SYNPO2: variants seen among roughly 807,000 people sequenced by gnomAD.
The protein encoded by SYNPO2 is synaptopodin 2.
Under a neutral mutation model 85.0 loss-of-function variants are expected in SYNPO2, and 56 were observed. The ratio of observed to expected loss-of-function variants is 0.66; its 90% CI spans 0.53 to 0.82. SYNPO2 has a LOEUF of 0.82. Among genes scored for constraint, SYNPO2 ranks in the 40% least tolerant of loss-of-function variants. SYNPO2 has a pLI of 0.00. For synonymous variants in SYNPO2, 602 were observed against 591.1 expected, an observed-to-expected ratio of 1.02 and a Z score of -0.27; for missense variants, 1,575 against 1,534.2, an observed-to-expected ratio of 1.03 and a Z score of -0.44.
At chr4:118,939,160 G>T (rs746672076) in intron 1 of SYNPO2, among the ~76,000 whole-genome samples, 5 of 152,242 alleles carry the variant, frequency 3.3e-5, no homozygotes, top group African/African-American at 4.8e-5. Flanking sequence ...AAAGAAGTTT[G>T]TGTGTGCACA....
intron 1 of SYNPO2, among the ~76,000 whole-genome samples, chr4:118,909,657 G>A (rs1733066717): frequency 6.6e-6 from 1 of 152,212 alleles, no homozygotes; most frequent in Non-Finnish European, 1.5e-5. Context: ...GCTTGGGAAG[G>A]CTGGAGCAGA....
chr4:119,013,489 G>A (rs11098470), intron 1 of SYNPO2, among the ~76,000 whole-genome samples: 97,617 of 152,050 alleles, frequency 0.64, 31,525 homozygotes, highest in Middle Eastern at 0.69. Flanking sequence ...TTTATTTTAA[G>A]GAATGACAGA....
In SYNPO2 at chr4:119,026,769, G is replaced by A. The variant is rs1462782808; in HGVS notation, c.400G>A (p.Ala134Thr). The change falls in exon 3 of 5, where the codon GCC becomes ACC. Residue 134 changes from alanine to threonine, a missense_variant. Transcript: ENST00000307142. Reference sequence around the variant, plus strand: ...GACCCAGTGCACAGAATTCTTCCTCGCCCCTGTCAAGACTGAAGTTCCCCT... The same window carrying A: ...GACCCAGTGCACAGAATTCTTCCTCACCCCTGTCAAGACTGAAGTTCCCCT... ...TKTQCTEFFL[A>T]PVKTEVPLAE... The A allele has an allele frequency of 2.5e-6, 4 of 1,613,802 alleles. No homozygotes were observed. Among genetic ancestry groups the A allele is most frequent in the African/African-American group, 2.7e-5 (2 of 74,824 alleles).
At chr4:118,977,362 CA>C (rs1271135501) in intron 1 of SYNPO2, among the ~76,000 whole-genome samples, 1 of 152,244 alleles carries the variant, frequency 6.6e-6, no homozygotes, top group Non-Finnish European at 1.5e-5. Flanking sequence ...CTGCCAACCC[CA>C]CGCCCACCCG....
intron 1 of SYNPO2, among the ~76,000 whole-genome samples, chr4:118,856,195 A>C (rs762389527): frequency 6.6e-6 from 1 of 152,232 alleles, no homozygotes; most frequent in Non-Finnish European, 1.5e-5. Context: ...CACTGTGTGC[A>C]AGTAACATAT....
chr4:118,977,515 G>C (rs990292903), intron 1 of SYNPO2, among the ~76,000 whole-genome samples: 26 of 152,236 alleles, frequency 1.7e-4, no homozygotes, highest in African/African-American at 5.5e-4. Context: ...GGGGACTGAA[G>C]GGCTCCTCAA....
chr4:118,858,025 T>G (rs911472024), intron 1 of SYNPO2, among the ~76,000 whole-genome samples: 4 of 152,230 alleles, frequency 2.6e-5, no homozygotes, highest in Non-Finnish European at 5.9e-5. Context: ...CGTTAAGTTC[T>G]CAGGGTCCAT....
chr4:118,908,744 C>T (rs926131121), intron 1 of SYNPO2, among the ~76,000 whole-genome samples: 3 of 152,116 alleles, frequency 2.0e-5, no homozygotes, highest in East Asian at 1.9e-4. Context: ...TTATAAATGC[C>T]GTCATACCAC....
chr4:118,993,283 A>G (rs918489857), intron 1 of SYNPO2, among the ~76,000 whole-genome samples: 1 of 152,192 alleles, frequency 6.6e-6, no homozygotes, highest in Non-Finnish European at 1.5e-5. Context: ...ATAGTGCCTT[A>G]CAAAGTGGAA....
chr4:118,927,129 CTT>C (rs1733737771), intron 1 of SYNPO2, among the ~76,000 whole-genome samples: 2 of 152,170 alleles, frequency 1.3e-5, no homozygotes, highest in African/African-American at 4.8e-5. Context: ...ACACCCAAAA[CTT>C]TCATGCAAGT....
At chr4:118,859,823 C>T (rs956495903) in intron 1 of SYNPO2, among the ~76,000 whole-genome samples, 10 of 152,150 alleles carry the variant, frequency 6.6e-5, no homozygotes, top group Admixed American at 6.5e-5. Flanking sequence ...GGTTGATGCG[C>T]CCTTCAAACA....
At chr4:119,050,688 A>G (rs78736444) in intron 4 of SYNPO2, among the ~76,000 whole-genome samples, 2 of 152,342 alleles carry the variant, frequency 1.3e-5, no homozygotes, top group Non-Finnish European at 1.5e-5. Context: ...GTGGGACTAT[A>G]TAACACCAGA....
chr4:118,878,642 T>A (rs1346203815), intron 1 of SYNPO2, among the ~76,000 whole-genome samples: 1 of 152,074 alleles, frequency 6.6e-6, no homozygotes, highest in Non-Finnish European at 1.5e-5. Context: ...TAAAGGTTTA[T>A]AAACGCACCA....
At chr4:119,016,959 AC>A (rs1302297534) in intron 1 of SYNPO2, among the ~76,000 whole-genome samples, 1 of 152,162 alleles carries the variant, frequency 6.6e-6, no homozygotes, top group Non-Finnish European at 1.5e-5. Context: ...TACCATGAAT[AC>A]TTTTTACTTT....
intron 4 of SYNPO2, among the ~76,000 whole-genome samples, chr4:119,041,170 A>C (rs1391999646): frequency 6.6e-6 from 1 of 152,222 alleles, no homozygotes; most frequent in African/African-American, 2.4e-5. Flanking sequence ...AAATCAAAAC[A>C]AGCTGAGATT....
At chr4:118,885,021 G>A (rs915950165), upstream of SYNPO2, among the ~76,000 whole-genome samples, 5 of 152,338 alleles carry the variant, frequency 3.3e-5, no homozygotes, top group African/African-American at 1.2e-4. Flanking sequence ...TGAGGCCGGA[G>A]GATGAGGAGA....
intron 4 of SYNPO2, among the ~76,000 whole-genome samples, chr4:119,049,628 C>CT (rs1311352448): frequency 6.6e-6 from 1 of 152,214 alleles, no homozygotes; most frequent in Non-Finnish European, 1.5e-5. Context: ...TCAGATTACA[C>CT]TTTCTTTTTG....
chr4:118,933,827 TTG>T (rs1246250593), intron 1 of SYNPO2, among the ~76,000 whole-genome samples: 1 of 99,396 alleles, frequency 1.0e-5, no homozygotes, highest in African/African-American at 3.6e-5. Flanking sequence ...GCTGTTGTTG[TTG>T]TTTTTTTTTT....
At chr4:118,984,125 T>C (rs934239049) in intron 1 of SYNPO2, among the ~76,000 whole-genome samples, 5 of 152,172 alleles carry the variant, frequency 3.3e-5, no homozygotes, top group African/African-American at 4.8e-5. Context: ...CTGTCATGAA[T>C]CCCCTCTTCC....
Sources: allele counts gnomAD v4.1 joint callset (sites outside exome capture counted in the v4.1 genomes callset), GRCh38; gene constraint gnomAD v4.1.1; transcripts MANE v1.5; gene names NCBI Gene and HGNC (gene_info 2026-07-23, HGNC 2026-07-21).